Variants in PARD3B observed in about 807,000 individuals in gnomAD.
PARD3B encodes the protein partitioning defective 3 homolog B.
PARD3B carries 103 observed loss-of-function variants against 130.2 expected under a neutral mutation model. The ratio of observed to expected loss-of-function variants is 0.79; its 90% CI spans 0.67 to 0.93. PARD3B has a LOEUF of 0.93. Among genes scored for constraint, PARD3B ranks in the 40% least tolerant of loss-of-function variants. The pLI, the probability that PARD3B is intolerant of heterozygous loss-of-function variation, is 0.00. For missense variants in PARD3B, 1,609 were observed against 1,499.2 expected, an observed-to-expected ratio of 1.07 and a Z score of -1.21; for synonymous variants, 583 against 553.2, an observed-to-expected ratio of 1.05 and a Z score of -0.76.
Position 205,321,450 on chromosome 2 carries a change from CTCTT to C in PARD3B, c.2630+19753_2630+19756del, listed in dbSNP as rs992822672. 9.2e-5 allele frequency among the ~76,000 whole-genome samples: 14 copies of C among 152,204 alleles called. No individual in the cohort carries two copies. Among genetic ancestry groups the C allele is most frequent in the African/African-American group, 2.6e-4 (11 of 41,542 alleles). On this transcript the variant is annotated intron_variant, in intron 18 of 22. Coordinates refer to ENST00000406610, the MANE Select transcript of PARD3B (RefSeq NM_001302769.2). This position sits in a 1 kb window ranked among gnomAD's most constrained non-coding sequence, Gnocchi z 4.2. The stretch of plus-strand genomic sequence containing the variant: ...CTGAATTAGCTGTAGCATTCTCTCT[CTCTT>C]TCTCTCTCTTCCTCTCTCTCTTTCC...
chr2:205,048,948 G>A (rs1699003103), intron 4 of PARD3B, among the ~76,000 whole-genome samples: 1 of 152,182 alleles, frequency 6.6e-6, no homozygotes, highest in Admixed American at 6.5e-5. Context: ...AAACTGGTAT[G>A]TGGTATGACT....
At chr2:205,482,438 A>C (rs933793266) in intron 20 of PARD3B, among the ~76,000 whole-genome samples, 1 of 152,104 alleles carries the variant, frequency 6.6e-6, no homozygotes, top group South Asian at 2.1e-4. Flanking sequence ...AGGAGACGGC[A>C]GAGGATTGTT....
chr2:205,162,590 A>G (rs2196162), intron 11 of PARD3B, among the ~76,000 whole-genome samples: 7,150 of 152,354 alleles, frequency 0.047, 184 homozygotes, highest in African/African-American at 0.068. Context: ...ATACAAGCAT[A>G]TATGTCAACT....
chr2:205,310,411 T>C (rs1268119808), intron 18 of PARD3B, among the ~76,000 whole-genome samples: 2 of 152,108 alleles, frequency 1.3e-5, no homozygotes, highest in Non-Finnish European at 2.9e-5. Context: ...TTAACTGTAG[T>C]CACCATGGTG....
At chr2:204,848,249 C>T (rs1013531768) in intron 2 of PARD3B, among the ~76,000 whole-genome samples, 8 of 152,092 alleles carry the variant, frequency 5.3e-5, no homozygotes, top group East Asian at 1.9e-4. Context: ...CATCTACTGG[C>T]GGTCTTGGAG....
At chr2:204,777,047 T>C (rs899191692) in intron 2 of PARD3B, among the ~76,000 whole-genome samples, 1 of 152,292 alleles carries the variant, frequency 6.6e-6, no homozygotes, top group South Asian at 2.1e-4. Flanking sequence ...TCAGTGAAGA[T>C]GATAAATAAA....
chr2:204,642,421 T>G (rs917936520), intron 1 of PARD3B, among the ~76,000 whole-genome samples: 1 of 152,170 alleles, frequency 6.6e-6, no homozygotes, highest in Non-Finnish European at 1.5e-5. Context: ...TGATGTATCC[T>G]TTTTCTAGTG....
At chr2:205,573,037 C>T (rs12998516) in intron 22 of PARD3B, among the ~76,000 whole-genome samples, 5 of 152,020 alleles carry the variant, frequency 3.3e-5, no homozygotes, top group African/African-American at 7.2e-5. Flanking sequence ...AAGTGAAGAG[C>T]GAAGCAGGAG....
chr2:205,360,533 T>C (rs1415501429), intron 18 of PARD3B, among the ~76,000 whole-genome samples: 1 of 152,252 alleles, frequency 6.6e-6, no homozygotes, highest in East Asian at 1.9e-4. Flanking sequence ...CTCTGGTTTA[T>C]TGTGTAATAG....
At chr2:204,604,979 G>C (rs1010269856) in intron 1 of PARD3B, among the ~76,000 whole-genome samples, 1 of 152,010 alleles carries the variant, frequency 6.6e-6, no homozygotes, top group Non-Finnish European at 1.5e-5. Context: ...TGACTGGAAG[G>C]CTGGGCCCAG....
chr2:204,558,650 T>G (rs1172753139), intron 1 of PARD3B, among the ~76,000 whole-genome samples: 6 of 152,170 alleles, frequency 3.9e-5, no homozygotes, highest in Non-Finnish European at 5.9e-5. Context: ...GCCATCCCCA[T>G]CAAGCTACCA....
chr2:205,354,354 A>G (rs910636446), intron 18 of PARD3B, among the ~76,000 whole-genome samples: 5 of 152,194 alleles, frequency 3.3e-5, no homozygotes, highest in Non-Finnish European at 5.9e-5. Context: ...ACAGCAGATT[A>G]AAGAAGGAAG....
intron 2 of PARD3B, among the ~76,000 whole-genome samples, chr2:204,775,617 C>A (rs2041586343): frequency 6.6e-6 from 1 of 152,148 alleles, no homozygotes; most frequent in African/African-American, 2.4e-5. Flanking sequence ...TAATGATGAT[C>A]CCATTTTCTC....
At chr2:205,285,390 G>A (rs1182251411) in intron 16 of PARD3B, among the ~76,000 whole-genome samples, 1 of 152,030 alleles carries the variant, frequency 6.6e-6, no homozygotes, top group Non-Finnish European at 1.5e-5. Flanking sequence ...TCCTAGCTAG[G>A]GCATGGTATA....
At chr2:205,275,720 C>A (rs765648392) in intron 16 of PARD3B, among the ~76,000 whole-genome samples, 16 of 151,430 alleles carry the variant, frequency 1.1e-4, no homozygotes, top group Non-Finnish European at 2.2e-4. Context: ...ACCTGTAATC[C>A]CAGCTACTCG....
intron 3 of PARD3B, among the ~76,000 whole-genome samples, chr2:205,001,227 G>A (rs1694804308): frequency 6.6e-6 from 1 of 152,142 alleles, no homozygotes; most frequent in Non-Finnish European, 1.5e-5. Context: ...GACCTCAGGT[G>A]ATCTGCTCAC....
intron 1 of PARD3B, among the ~76,000 whole-genome samples, chr2:204,679,790 AT>A (rs1343684359): frequency 9.9e-5 from 15 of 151,838 alleles, no homozygotes; most frequent in Admixed American, 9.2e-4. Context: ...TTCTGCATCC[AT>A]TGTGGTGATC....
Position 205,407,088 on chromosome 2 carries a change from A to G in PARD3B, c.2741+5965A>G, listed in dbSNP as rs73065025. 0.059 allele frequency among the ~76,000 whole-genome samples: 9,050 copies of G among 152,208 alleles called. 795 individuals carry two copies. The highest frequency in any genetic ancestry group is 0.2 in the African/African-American group (8,137 of 41,480). On this transcript the variant is annotated intron_variant, in intron 19 of 22. Coordinates refer to ENST00000406610, the MANE Select transcript of PARD3B (RefSeq NM_001302769.2). This position sits in a 1 kb window ranked among gnomAD's most constrained non-coding sequence, Gnocchi z 4.1. ...TGGAAGCATTTACTTTTACTTTTCT[A>G]GAGCAATAATTATTGAACTTGTCAT...
At chr2:204,961,583 T>C (rs990108918) in intron 2 of PARD3B, among the ~76,000 whole-genome samples, 2 of 152,108 alleles carry the variant, frequency 1.3e-5, no homozygotes, top group African/African-American at 2.4e-5. Flanking sequence ...TATCAGCCGA[T>C]AGAGTTATAT....
Sources: allele counts gnomAD v4.1 joint callset (sites outside exome capture counted in the v4.1 genomes callset), GRCh38; gene constraint gnomAD v4.1.1; non-coding constraint Gnocchi (gnomAD v3.1); transcripts MANE v1.5; gene names NCBI Gene and HGNC (gene_info 2026-07-23, HGNC 2026-07-21).